The following SRGAP1 variants were observed in gnomAD, a reference collection of about 807,000 sequenced individuals.
The protein encoded by SRGAP1 is SLIT-ROBO Rho GTPase-activating protein 1.
Under a neutral mutation model 121.9 loss-of-function variants are expected in SRGAP1, and 43 were observed. That is an observed-to-expected ratio of 0.35 (90% CI 0.28 to 0.46). The LOEUF is 0.46. Among genes scored for constraint, SRGAP1 ranks in the 20% least tolerant of loss-of-function variants. The probability of loss-of-function intolerance (pLI) is 1.00; values close to 1 mark genes in which losing one functional copy is unlikely to be tolerated. For synonymous variants in SRGAP1, 447 were observed against 485.4 expected, an observed-to-expected ratio of 0.92 and a Z score of 1.04; for missense variants, 1,102 against 1,350.9, an observed-to-expected ratio of 0.82 and a Z score of 2.89.
intron 3 of SRGAP1, among the ~76,000 whole-genome samples, chr12:64,007,645 T>G (rs1040385724): frequency 2.5e-4 from 38 of 152,136 alleles, no homozygotes; most frequent in African/African-American, 9.2e-4. Context: ...TTTGAAGACC[T>G]GTCATACAGA....
intron 1 of SRGAP1, among the ~76,000 whole-genome samples, chr12:63,854,339 G>T (rs890896956): frequency 2.0e-5 from 3 of 152,066 alleles, no homozygotes; most frequent in Non-Finnish European, 4.4e-5. Context: ...TAATAATATT[G>T]ATGAATTGGT....
chr12:64,022,753 G>C (rs77228089), intron 4 of SRGAP1, among the ~76,000 whole-genome samples: 179 of 152,284 alleles, frequency 1.2e-3, no homozygotes, highest in African/African-American at 4.1e-3. Flanking sequence ...TCTTAGAGTT[G>C]TTGAATGAAT....
At chr12:64,019,107 G>A (rs753984432) in intron 4 of SRGAP1, among the ~76,000 whole-genome samples, 1 of 152,122 alleles carries the variant, frequency 6.6e-6, no homozygotes, top group Non-Finnish European at 1.5e-5. Flanking sequence ...TCTGAAAATA[G>A]TAGTAGTAGT....
At chr12:63,938,906 G>C (rs575728460) in intron 1 of SRGAP1, among the ~76,000 whole-genome samples, 1 of 151,814 alleles carries the variant, frequency 6.6e-6, no homozygotes, top group Non-Finnish European at 1.5e-5. Context: ...TGTAATCACA[G>C]CATTTCAAGA....
intron 1 of SRGAP1, among the ~76,000 whole-genome samples, chr12:63,880,352 C>T (rs896043592): frequency 6.6e-6 from 1 of 152,218 alleles, no homozygotes; most frequent in Non-Finnish European, 1.5e-5. Context: ...CTGACTCAGC[C>T]TCCCCAGCAG....
intron 1 of SRGAP1, among the ~76,000 whole-genome samples, chr12:63,870,174 T>G (rs915404993): frequency 6.6e-6 from 1 of 152,216 alleles, no homozygotes; most frequent in Non-Finnish European, 1.5e-5. Flanking sequence ...TCTGTATTTT[T>G]TTGTTGTTGT....
chr12:64,094,873 T>G, intron 12 of SRGAP1, 59 bp from the exon 13 acceptor site: 11 of 1,450,204 alleles, frequency 7.6e-6, no homozygotes, highest in Non-Finnish European at 1.1e-5. Flanking sequence ...TAAGCCTTAT[T>G]ATTATGAGGC....
At chr12:63,870,146 T>C (rs1899799769) in intron 1 of SRGAP1, among the ~76,000 whole-genome samples, 1 of 152,214 alleles carries the variant, frequency 6.6e-6, no homozygotes, top group Non-Finnish European at 1.5e-5. Context: ...AATAAGAGTT[T>C]ATAAGGTCAG....
chr12:63,853,273 G>A (rs746244644), intron 1 of SRGAP1, among the ~76,000 whole-genome samples: 4 of 151,906 alleles, frequency 2.6e-5, no homozygotes, highest in Non-Finnish European at 5.9e-5. Flanking sequence ...CACCCACCTC[G>A]GCCTCCCAAA....
chr12:64,123,429 G>T lies in SRGAP1; in HGVS notation c.2225-2548G>T, dbSNP rs17712179. On this transcript the variant is annotated intron_variant, in intron 18 of 21. Coordinates refer to ENST00000355086, the MANE Select transcript of SRGAP1 (RefSeq NM_020762.4). ...AGGAATAACTGGGGTACATATTTGGGTATCTGTCATCTCAAGTCAACCAGG... is the reference window on the plus strand; with the variant it reads ...AGGAATAACTGGGGTACATATTTGGTTATCTGTCATCTCAAGTCAACCAGG... 8.2e-3 allele frequency among the ~76,000 whole-genome samples: 1,251 copies of T among 152,196 alleles called. 7 individuals are homozygous for T. The highest frequency in any genetic ancestry group is 0.041 in the Middle Eastern group (12 of 292).
chr12:64,112,876 A>G (rs1332907028), intron 17 of SRGAP1, among the ~76,000 whole-genome samples: 1 of 152,146 alleles, frequency 6.6e-6, no homozygotes, highest in Non-Finnish European at 1.5e-5. Flanking sequence ...GATGGTTACC[A>G]AAGGCTAGGA....
chr12:64,126,790 G>A (rs1415848500), intron 19 of SRGAP1, among the ~76,000 whole-genome samples: 2 of 151,988 alleles, frequency 1.3e-5, no homozygotes, highest in African/African-American at 2.4e-5. Context: ...CAAGAAATGT[G>A]TGTATATGCA....
intron 6 of SRGAP1, among the ~76,000 whole-genome samples, chr12:64,055,481 T>C (rs1348536377): frequency 6.6e-6 from 1 of 151,654 alleles, no homozygotes; most frequent in Non-Finnish European, 1.5e-5. Context: ...AATGCCTTTC[T>C]TCACAGAATT....
intron 8 of SRGAP1, 88 bp downstream of exon 8, chr12:64,065,307 T>G: frequency 8.7e-7 from 1 of 1,146,884 alleles, no homozygotes; most frequent in Non-Finnish European, 1.3e-6. Context: ...ATATTTAATA[T>G]TCAAGATTCA....
At position 64,073,695 on chromosome 12, in the gene SRGAP1, A is replaced by T. The variant is rs1266455952; in HGVS notation, c.1126-5224A>T. Among the ~76,000 whole-genome samples, 25 of 147,944 alleles carry T rather than the reference A, an allele frequency of 1.7e-4. No homozygotes were observed. In the South Asian group the frequency reaches 5.3e-3, roughly 31 times the overall value. ...TGTTATTTTTTATTGTTGTATTATT[A>T]TTTTTCTTTTTTTTTTCCAAATATT... is the stretch of plus-strand genomic sequence containing the variant. On this transcript the variant is annotated intron_variant, in intron 8 of 21. Coordinates refer to ENST00000355086, the MANE Select transcript of SRGAP1 (RefSeq NM_020762.4).
chr12:64,099,033 G>A (rs539577054), intron 15 of SRGAP1, among the ~76,000 whole-genome samples: 31 of 152,046 alleles, frequency 2.0e-4, no homozygotes, highest in African/African-American at 6.8e-4. Context: ...TGATCTCCCC[G>A]CATTATAATT....
chr12:63,885,725 A>G (rs1900357819), intron 1 of SRGAP1, among the ~76,000 whole-genome samples: 1 of 152,186 alleles, frequency 6.6e-6, no homozygotes, highest in African/African-American at 2.4e-5. Flanking sequence ...AGAAGTTCAG[A>G]GAGAGAGATT....
chr12:64,051,265 C>G (rs2035234126), intron 6 of SRGAP1, among the ~76,000 whole-genome samples: 1 of 152,168 alleles, frequency 6.6e-6, no homozygotes, highest in African/African-American at 2.4e-5. Flanking sequence ...TTTAACCCAC[C>G]AACGGTGATG....
chr12:63,936,095 T>A (rs928473022), intron 1 of SRGAP1, among the ~76,000 whole-genome samples: 2 of 151,752 alleles, frequency 1.3e-5, no homozygotes, highest in African/African-American at 4.9e-5. Flanking sequence ...TATTTATTAC[T>A]AGTGTTATAA....
Sources: gnomAD v4.1 joint callset for allele counts (sites outside exome capture counted in the v4.1 genomes callset) on GRCh38, gnomAD v4.1.1 for gene constraint, MANE v1.5 for transcripts, NCBI Gene and HGNC (gene_info 2026-07-23, HGNC 2026-07-21) for gene names.